The following IL1RAPL2 variants were observed in gnomAD, a reference collection of about 807,000 sequenced individuals.
IL1RAPL2 encodes interleukin 1 receptor accessory protein like 2.
In IL1RAPL2, 3 loss-of-function variants were observed where a neutral mutation model predicts 44.1. The observed-to-expected ratio is 0.07, with a 90% confidence interval of 0.03 to 0.18. The LOEUF (loss-of-function observed/expected upper bound fraction) is 0.18, where lower values mean the gene tolerates loss of function less well. IL1RAPL2 is among the 10% of genes least tolerant of loss of function. The probability of loss-of-function intolerance (pLI) is 1.00; values close to 1 mark genes in which losing one functional copy is unlikely to be tolerated. For synonymous variants in IL1RAPL2, 181 were observed against 178.8 expected (o/e 1.01, Z -0.10); for missense variants, 391 against 496.4 (o/e 0.79, Z 2.02).
chrX:105,160,563 G>A (rs2033314159), intron 2 of IL1RAPL2, among the ~76,000 whole-genome samples: 1 of 109,531 alleles, frequency 9.1e-6, no homozygotes. Context: ...AAGTTTCTCT[G>A]GAAAAAAAAA....
intron 2 of IL1RAPL2, among the ~76,000 whole-genome samples, chrX:105,188,281 T>A (rs1556135157): frequency 9.0e-6 from 1 of 110,981 alleles, no homozygotes; most frequent in East Asian, 2.9e-4. Context: ...CTGAGCATCC[T>A]GGATTTGAAG....
At chrX:105,031,776 A>G (rs1348980385) in intron 2 of IL1RAPL2, among the ~76,000 whole-genome samples, 1 of 110,292 alleles carries the variant, frequency 9.1e-6, no homozygotes, top group African/African-American at 3.4e-5. Flanking sequence ...GTAAGGGAGG[A>G]TTCCCTCTTT....
chrX:104,891,900 T>G (rs2147665895), intron 2 of IL1RAPL2, among the ~76,000 whole-genome samples: 1 of 111,802 alleles, frequency 8.9e-6, no homozygotes, highest in African/African-American at 3.3e-5. Context: ...CTTCCAGTTT[T>G]TGCCCATTCA....
chrX:105,210,397 A>G (rs943411109), intron 3 of IL1RAPL2, among the ~76,000 whole-genome samples: 5 of 111,093 alleles, frequency 4.5e-5, no homozygotes, highest in African/African-American at 9.8e-5. Context: ...GCCTACCATC[A>G]TTTGACCCCT....
intron 6 of IL1RAPL2, among the ~76,000 whole-genome samples, chrX:105,706,807 G>T (rs2038169484): frequency 9.0e-6 from 1 of 111,092 alleles, no homozygotes; most frequent in Non-Finnish European, 1.9e-5. Flanking sequence ...CAGCAGGAGA[G>T]GTGACTTCTT....
chrX:105,214,312 G>A (rs1203058202), intron 3 of IL1RAPL2, among the ~76,000 whole-genome samples: 1 of 105,063 alleles, frequency 9.5e-6, no homozygotes, highest in Admixed American at 1.1e-4. Context: ...AGAAGCAAGG[G>A]TTGCAATCCT....
intron 6 of IL1RAPL2, among the ~76,000 whole-genome samples, chrX:105,657,575 T>C (rs2037685101): frequency 8.9e-6 from 1 of 112,135 alleles, no homozygotes; most frequent in African/African-American, 3.2e-5. Context: ...GAGTTCAGCA[T>C]GTAGTGGTGT....
Position 105,740,552 on chromosome X carries a change from C to G in IL1RAPL2, c.909C>G (p.Leu303=), listed in dbSNP as rs2038491453. ...AATACCGTCTTTATTTCAGGCTTCT[C>G]AAAGAGCATCTTGGAGAAAAAGAAG... ...GHIREGEIRL[L]KEHLGEKEVE... is the part of the protein sequence containing the mutation. The change falls in exon 8 of 11, where the codon CTC becomes CTG. Residue 303 remains leucine (L), a synonymous_variant. Transcript: ENST00000372582. 1 of 1,206,790 alleles carries G rather than the reference C, an allele frequency of 8.3e-7. No individual in the cohort carries two copies. Among genetic ancestry groups the G allele is most frequent in the African/African-American group, 1.8e-5 (1 of 56,928 alleles).
chrX:105,537,341 C>T (rs886070029), intron 6 of IL1RAPL2, among the ~76,000 whole-genome samples: 1 of 111,550 alleles, frequency 9.0e-6, no homozygotes, highest in Non-Finnish European at 1.9e-5. Context: ...TTGACCTATA[C>T]ATGGCTTTTC....
At chrX:104,955,456 C>T (rs774152730) in intron 2 of IL1RAPL2, among the ~76,000 whole-genome samples, 36 of 105,812 alleles carry the variant, frequency 3.4e-4, no homozygotes, top group Middle Eastern at 9.6e-3. Context: ...TTTCAGCTCA[C>T]CATTATATAT....
chrX:105,596,335 G>A (rs377246715), intron 6 of IL1RAPL2, among the ~76,000 whole-genome samples: 6 of 109,575 alleles, frequency 5.5e-5, no homozygotes, highest in East Asian at 5.7e-4. Context: ...ATGTTGGTAC[G>A]TTATTTTTTT....
At chrX:105,220,473 G>C in intron 3 of IL1RAPL2, 1 of 925,957 alleles carries the variant, frequency 1.1e-6, no homozygotes, top group East Asian at 3.3e-5. Context: ...CTCCCCCTTA[G>C]CCCCTCCCCT....
intron 6 of IL1RAPL2, among the ~76,000 whole-genome samples, chrX:105,625,832 CA>C (rs1018144108): frequency 2.7e-5 from 3 of 111,235 alleles, no homozygotes; most frequent in Admixed American, 9.6e-5. Flanking sequence ...AATGTTCCGG[CA>C]GATTCAAACA....
chrX:105,363,291 T>TATATATATATATAATATATATATATATA (rs2035263452), intron 5 of IL1RAPL2, among the ~76,000 whole-genome samples: 1 of 70,290 alleles, frequency 1.4e-5, no homozygotes, highest in African/African-American at 1.0e-4. Context: ...ATATATATAA[T>TATATATATATATAATATATATATATATA]ATATATATAT....
intron 2 of IL1RAPL2, among the ~76,000 whole-genome samples, chrX:105,091,665 AT>A (rs2032544417): frequency 1.8e-5 from 2 of 111,672 alleles, no homozygotes; most frequent in African/African-American, 6.5e-5. Flanking sequence ...ATAGTCTTCT[AT>A]TTTTTCATAA....
rs777164255 is a variant in IL1RAPL2 at position 104,876,651 on chromosome X, CTTT to C, written c.82+217671_82+217673del. ...AACCAAATCACTGTTATATAGCTTT[CTTT>C]TTTTTTTTTTTTTTCAAGGGACATG... On this transcript the variant is annotated intron_variant, in intron 2 of 10. Transcript: ENST00000372582. Among the ~76,000 whole-genome samples the C allele has an allele frequency of 4.8e-3, 313 of 64,671 alleles. 2 individuals carry two copies. Among genetic ancestry groups the C allele is most frequent in the African/African-American group, 0.017 (301 of 17,442 alleles). 56.2% of individuals were successfully genotyped at this position (64,671 alleles called of 115,157 possible). A position where few individuals can be genotyped will look rare whatever the true frequency, so the allele number is the denominator to read the frequency against.
At chrX:104,840,408 A>G (rs1208765265) in intron 2 of IL1RAPL2, among the ~76,000 whole-genome samples, 1 of 111,602 alleles carries the variant, frequency 9.0e-6, no homozygotes, top group Non-Finnish European at 1.9e-5. Flanking sequence ...TTCTAATTTG[A>G]TTGCACTGTG....
chrX:105,631,503 C>T (rs1027845112), intron 6 of IL1RAPL2, among the ~76,000 whole-genome samples: 5 of 112,464 alleles, frequency 4.4e-5, no homozygotes, highest in African/African-American at 1.6e-4. Context: ...CACAACCCAT[C>T]TTTCTACCAG....
At chrX:104,647,627 T>C in intron 1 of IL1RAPL2, 1 of 537,089 alleles carries the variant, frequency 1.9e-6, no homozygotes, top group Non-Finnish European at 3.4e-6. Flanking sequence ...CTTGAGGATC[T>C]TGGTAGTGAT....
Sources: allele counts gnomAD v4.1 joint callset (sites outside exome capture counted in the v4.1 genomes callset), GRCh38; gene constraint gnomAD v4.1.1; transcripts MANE v1.5; gene names NCBI Gene and HGNC (gene_info 2026-07-23, HGNC 2026-07-21).